Variants in COX7B2 observed in about 807,000 individuals in gnomAD.
COX7B2 encodes the protein cytochrome c oxidase subunit 7B2, mitochondrial.
For synonymous variants in COX7B2, 37 were observed against 32.1 expected, an observed-to-expected ratio of 1.15 and a Z score of -0.51; for missense variants, 109 against 95.9, an observed-to-expected ratio of 1.14 and a Z score of -0.57.
intron 2 of COX7B2, among the ~76,000 whole-genome samples, chr4:46,828,061 T>C (rs1013973500): frequency 7.9e-5 from 12 of 152,164 alleles, no homozygotes; most frequent in Non-Finnish European, 1.5e-4. Flanking sequence ...ACTGTACCCT[T>C]AATGTGGCTG....
chr4:46,802,016 G>A (rs959166330), intron 2 of COX7B2, among the ~76,000 whole-genome samples: 8 of 152,126 alleles, frequency 5.3e-5, no homozygotes, highest in African/African-American at 1.9e-4. Flanking sequence ...TAGACTATAT[G>A]TCAACAGAGT....
rs142964045 is a variant in COX7B2 at position 46,799,462 on chromosome 4, G to A, written c.-50+45498C>T. Among the ~76,000 whole-genome samples the A allele has an allele frequency of 5.4e-3, 824 of 152,188 alleles. 3 individuals are homozygous for A. Among genetic ancestry groups the A allele is most frequent in the Middle Eastern group, 0.014 (4 of 294 alleles). On this transcript the variant is annotated intron_variant, in intron 2 of 2. Coordinates refer to ENST00000355591, the MANE Select transcript of COX7B2 (RefSeq NM_130902.3). ...CCAATTCTCAACAGGAATGATTACA[G>A]CTTTTACCTGTATGATGCTGGCTGT...
chr4:46,749,435 A>C (rs1715215562), intron 2 of COX7B2, among the ~76,000 whole-genome samples: 1 of 152,164 alleles, frequency 6.6e-6, no homozygotes, highest in South Asian at 2.1e-4. Flanking sequence ...AACTGCTAAC[A>C]AGGTAGCCTA....
chr4:46,735,099 G>T lies in COX7B2; in HGVS notation c.94C>A (p.Pro32Thr). 6.2e-7 allele frequency: 1 copy of T among 1,614,020 alleles called. No individual in the cohort carries two copies. ...MARHSHVKHSPDFHDKYGNAV... is the reference protein window; with the variant it reads ...MARHSHVKHSTDFHDKYGNAV... ...TTACCATATTTATCATGAAAATCTG[G>T]TGAGTGTTTTACATGGCTATGTCTT... The change falls in exon 3 of 3, where the codon CCA becomes ACA. Residue 32 changes from proline (P) to threonine (T), a missense_variant. Physicochemically the swap from Pro to Thr is conservative, Grantham distance 38. Transcript: ENST00000355591.
At chr4:46,786,980 T>C (rs1028584415) in intron 2 of COX7B2, among the ~76,000 whole-genome samples, 2 of 152,184 alleles carry the variant, frequency 1.3e-5, no homozygotes, top group Admixed American at 6.5e-5. Context: ...TTGGAAAAGA[T>C]GATGATACTG....
intron 2 of COX7B2, among the ~76,000 whole-genome samples, chr4:46,777,003 C>G (rs1368654195): frequency 2.0e-5 from 3 of 152,088 alleles, no homozygotes; most frequent in Admixed American, 1.3e-4. Flanking sequence ...CATTTATGCC[C>G]TTCCATTGGA....
rs141548289 is a variant in COX7B2, at chr4:46,860,885, A to G, written c.-104-15871T>C. Among the ~76,000 whole-genome samples, 1,203 of 152,194 alleles carry G rather than the reference A, an allele frequency of 7.9e-3. 35 individuals are homozygous for G. The highest frequency in any genetic ancestry group is 0.049 in the Admixed American group (752 of 15,286). Reference sequence around the variant, plus strand: ...AGAGTCACATTGTTCTTTGGCCCCAACGTGGTCTTTGGGGTTCACTCTTGA... The same window carrying G: ...AGAGTCACATTGTTCTTTGGCCCCAGCGTGGTCTTTGGGGTTCACTCTTGA... On this transcript the variant is annotated intron_variant, in intron 1 of 2. Coordinates refer to ENST00000355591, the MANE Select transcript of COX7B2 (RefSeq NM_130902.3).
chr4:46,864,447 G>C (rs1026827562), intron 1 of COX7B2, among the ~76,000 whole-genome samples: 2 of 152,226 alleles, frequency 1.3e-5, no homozygotes, highest in South Asian at 4.2e-4. Context: ...TCCAAGTTGT[G>C]CCTCTGGATC....
intron 2 of COX7B2, among the ~76,000 whole-genome samples, chr4:46,748,368 TCAAAA>T (rs1324401178): frequency 1.3e-5 from 2 of 152,134 alleles, no homozygotes; most frequent in African/African-American, 4.8e-5. Context: ...GAAAATAGTC[TCAAAA>T]CAAAAAAATA....
chr4:46,750,491 T>C (rs1577658775), intron 2 of COX7B2, among the ~76,000 whole-genome samples: 1 of 151,834 alleles, frequency 6.6e-6, no homozygotes, highest in East Asian at 1.9e-4. Flanking sequence ...TTTATGTTCC[T>C]AAATATAACT....
intron 2 of COX7B2, among the ~76,000 whole-genome samples, chr4:46,760,288 C>A (rs1716069744): frequency 6.6e-6 from 1 of 152,038 alleles, no homozygotes; most frequent in South Asian, 2.1e-4. Context: ...TTCACAATAG[C>A]AAAGACTTGG....
At chr4:46,772,404 ATGCTCGAAATT>A (rs1425005285) in intron 2 of COX7B2, among the ~76,000 whole-genome samples, 1 of 152,176 alleles carries the variant, frequency 6.6e-6, no homozygotes, top group Non-Finnish European at 1.5e-5. Context: ...ACTGTATAGT[ATGCTCGAAATT>A]TGCTGAGAGT....
intron 2 of COX7B2, among the ~76,000 whole-genome samples, chr4:46,813,173 T>C (rs183092902): frequency 7.2e-5 from 11 of 152,314 alleles, no homozygotes; most frequent in Non-Finnish European, 1.5e-4. Flanking sequence ...TAAGACAAGA[T>C]TTCATTCCTT....
intron 1 of COX7B2, among the ~76,000 whole-genome samples, chr4:46,891,289 T>C (rs1719416613): frequency 6.6e-6 from 1 of 152,132 alleles, no homozygotes; most frequent in Non-Finnish European, 1.5e-5. Context: ...AAGGAATAAA[T>C]AGAACCTGGG....
At chr4:46,834,762 T>C (rs1248603263) in intron 2 of COX7B2, among the ~76,000 whole-genome samples, 2 of 152,040 alleles carry the variant, frequency 1.3e-5, no homozygotes, top group Non-Finnish European at 2.9e-5. Context: ...ATCATGGAAA[T>C]ATTTTAAAAT....
chr4:46,853,631 T>G (rs573918137), intron 1 of COX7B2, among the ~76,000 whole-genome samples: 117 of 152,232 alleles, frequency 7.7e-4, no homozygotes, highest in Non-Finnish European at 1.2e-3. Context: ...GTGGTTATCT[T>G]ATTCATTTGT....
chr4:46,774,870 T>A (rs1389770755), intron 2 of COX7B2, among the ~76,000 whole-genome samples: 3 of 152,022 alleles, frequency 2.0e-5, no homozygotes, highest in Non-Finnish European at 2.9e-5. Flanking sequence ...CTAAATGTGA[T>A]TTACATTTTC....
intron 1 of COX7B2, among the ~76,000 whole-genome samples, chr4:46,899,676 A>T (rs1360249083): frequency 6.6e-6 from 1 of 152,202 alleles, no homozygotes; most frequent in Non-Finnish European, 1.5e-5. Flanking sequence ...ACTTTATCCA[A>T]CTTAAATTTC....
intron 2 of COX7B2, among the ~76,000 whole-genome samples, chr4:46,769,041 A>C (rs1235657334): frequency 6.6e-6 from 1 of 152,112 alleles, no homozygotes; most frequent in African/African-American, 2.4e-5. Context: ...CCTCCCAATA[A>C]CCCTCCCAAT....
Sources: allele counts gnomAD v4.1 joint callset (sites outside exome capture counted in the v4.1 genomes callset), GRCh38; gene constraint gnomAD v4.1.1; transcripts MANE v1.5; gene names NCBI Gene and HGNC (gene_info 2026-07-23, HGNC 2026-07-21).